The following CCDC136 variants were observed in gnomAD, a reference collection of about 807,000 sequenced individuals.
CCDC136 encodes the protein coiled-coil domain-containing protein 136.
CCDC136 carries 100 observed loss-of-function variants against 141.2 expected under a neutral mutation model. That is an observed-to-expected ratio of 0.71 (90% CI 0.60 to 0.84). The LOEUF (loss-of-function observed/expected upper bound fraction) is 0.84. Ranked by LOEUF, CCDC136 falls within the 40% of genes least tolerant of loss-of-function variation. The pLI is 0.00. For synonymous variants in CCDC136, 474 were observed against 531.9 expected (o/e 0.89, Z 1.50); for missense variants, 1,206 against 1,379.4 (o/e 0.87, Z 1.99).
Position 128,821,773 on chromosome 7 carries a change from TCA to T in CCDC136, c.*6-23_*6-22del, listed in dbSNP as rs1458218634. On this transcript the variant is annotated intron_variant, in intron 17 of 17. Transcript: ENST00000297788. The surrounding 1 kb of genome is among the most constrained non-coding windows in gnomAD (Gnocchi z 5.1). ...GGGCAGGGTTCAGGAGGCTGGGCAC[TCA>T]CAGTTTCTCTTTGGTCCCCACAGAA... 3 of 1,290,172 alleles carry T rather than the reference TCA, an allele frequency of 2.3e-6. No homozygotes were observed. Among genetic ancestry groups the T allele is most frequent in the Non-Finnish European group, 3.0e-6 (3 of 988,880 alleles). 79.9% of individuals were successfully genotyped at this position (1,290,172 alleles called of 1,614,324 possible). A position where few individuals can be genotyped will look rare whatever the true frequency, so the allele number is the denominator to read the frequency against.
chr7:128,821,211 T>C lies in CCDC136; in HGVS notation c.*6-588T>C, dbSNP rs1807393597. On this transcript the variant is annotated intron_variant, in intron 17 of 17. Transcript: ENST00000297788. The surrounding 1 kb of genome is among the most constrained non-coding windows in gnomAD (Gnocchi z 5.1). ...GCACCAGGAAGTCAGTCAACATACC[T>C]GGTGATTAGGAGTGTTCTAATGACC... Among the ~76,000 whole-genome samples the C allele has an allele frequency of 6.6e-6, 1 of 152,236 alleles. No homozygotes were observed. The highest frequency in any genetic ancestry group is 1.5e-5 in the Non-Finnish European group (1 of 68,042).
chr7:128,815,177 T>A (rs192719970), intron 15 of CCDC136, among the ~76,000 whole-genome samples: 170 of 152,298 alleles, frequency 1.1e-3, no homozygotes, highest in African/African-American at 3.9e-3. Context: ...GCTGGACAAC[T>A]CCTTCAGTTT....
Position 128,805,713 on chromosome 7 carries a change from A to G in CCDC136, c.949-48A>G. On this transcript the variant is annotated intron_variant, in intron 6 of 17. Coordinates refer to ENST00000297788, the MANE Select transcript of CCDC136 (RefSeq NM_022742.5). The surrounding 1 kb of genome is among the most constrained non-coding windows in gnomAD (Gnocchi z 4.6). ...TTCCCCAAGCTTGTTCTTGGAGCATATGTGGTATCTGTAGTAAACAAGCCT... is the reference window on the plus strand; with the variant it reads ...TTCCCCAAGCTTGTTCTTGGAGCATGTGTGGTATCTGTAGTAAACAAGCCT... 6.2e-7 allele frequency: 1 copy of G among 1,605,162 alleles called. No individual in the cohort carries two copies. Among genetic ancestry groups the G allele is most frequent in the Non-Finnish European group, 8.5e-7 (1 of 1,175,012 alleles).
At chr7:128,809,119 T>G in intron 10 of CCDC136, 1 of 350,840 alleles carries the variant, frequency 2.9e-6, no homozygotes, top group Non-Finnish European at 4.4e-6. Context: ...ATATGGTGTA[T>G]AAAGGAAAGG....
rs772505681 is a variant in CCDC136 at position 128,794,681 on chromosome 7, C to T, written c.272-13C>T. The T allele has an allele frequency of 5.2e-6, 8 of 1,548,768 alleles. No individual in the cohort carries two copies. In the African/African-American group the frequency reaches 5.5e-5, roughly 11 times the overall value. ...TGGATCCGAGCTTGACACTGGTGCC[C>T]CTCTCCCTGCAGGGCTCCTGGAGGA... is the stretch of plus-strand genomic sequence containing the variant. On this transcript the variant is annotated splice_polypyrimidine_tract_variant and intron_variant, in intron 2 of 17. Transcript: ENST00000297788. This position sits in a 1 kb window ranked among gnomAD's most constrained non-coding sequence, Gnocchi z 4.3.
chr7:128,809,990 G>A, intron 11 of CCDC136, 149 bp from the exon 12 acceptor site: 1 of 609,646 alleles, frequency 1.6e-6, no homozygotes, highest in South Asian at 2.1e-5. Flanking sequence ...CTCCATAGAA[G>A]GGCTCCCCCG....
At chr7:128,792,510 CTG>C in intron 1 of CCDC136, 83 bp downstream of exon 1, 1 of 1,094,542 alleles carries the variant, frequency 9.1e-7, no homozygotes, top group South Asian at 1.5e-5. Context: ...CCCCAGGCCT[CTG>C]AGCCAGGACA....
At chr7:128,814,595 A>G in intron 14 of CCDC136, 43 bp from the exon 15 acceptor site, 4 of 1,497,410 alleles carry the variant, frequency 2.7e-6, no homozygotes, top group Non-Finnish European at 3.6e-6. Context: ...AACTGGTTGC[A>G]TAACCAGCCA....
At chr7:128,798,958 G>T (rs1803542175) in intron 3 of CCDC136, among the ~76,000 whole-genome samples, 2 of 151,632 alleles carry the variant, frequency 1.3e-5, no homozygotes, top group Admixed American at 6.6e-5. Flanking sequence ...CCCCTGAGAT[G>T]CCCTCACCAC....
chr7:128,806,097 C>A, intron 7 of CCDC136, 140 bp from the exon 8 acceptor site: 1 of 943,184 alleles, frequency 1.1e-6, no homozygotes, highest in Non-Finnish European at 1.6e-6. Context: ...TACTGAGTGT[C>A]CATCTCACAG....
rs910208668 is a variant in CCDC136, at chr7:128,815,938, A to C, written c.3363+7A>C. The C allele has an allele frequency of 6.2e-7, 1 of 1,606,632 alleles. No individual in the cohort carries two copies. The highest frequency in any genetic ancestry group is 1.3e-5 in the African/African-American group (1 of 74,492). ...ACTTTCCGAGAGCAAAAAGGTAACC[A>C]GAGCCAAAGCCTAGATCAAGTGGGA... On this transcript the variant is annotated splice_region_variant and intron_variant, in intron 16 of 17. Coordinates refer to ENST00000297788, the MANE Select transcript of CCDC136 (RefSeq NM_022742.5).
In CCDC136 at chr7:128,814,901, C is replaced by T. The variant is rs184775299; in HGVS notation, c.3027C>T (p.Ser1009=). The T allele has an allele frequency of 7.7e-4, 1,226 of 1,594,982 alleles. 1 individual carries two copies. The highest frequency in any genetic ancestry group is 3.7e-3 in the Admixed American group (215 of 57,792). Residue 1009 remains serine, a synonymous_variant, in exon 15 of 18, where the codon AGC becomes AGT. Transcript: ENST00000297788. ...VTKPCSDTSE[S]DLETRKSLEV... The stretch of plus-strand genomic sequence containing the variant: ...AGCCATGCTCGGATACTTCTGAGAG[C>T]GACCTTGAGACCAGAAAGGTGAGTA...
At position 128,807,367 on chromosome 7, in the gene CCDC136, A is replaced by C; in HGVS notation, c.1427A>C (p.Glu476Ala). ...CCTGCCTCCCCTGCCCAGGACACAG[A>C]GACGCACGCTCAGCTTCAGGAGATG... is the stretch of plus-strand genomic sequence containing the variant. Reference protein sequence around the residue: ...SFKESNEKDTETHAQLQEMKQ... With the variant: ...SFKESNEKDTATHAQLQEMKQ... The change falls in exon 10 of 18, where the codon GAG becomes GCG. Residue 476 changes from glutamate to alanine, a missense_variant. Coordinates refer to ENST00000297788, the MANE Select transcript of CCDC136 (RefSeq NM_022742.5). The C allele has an allele frequency of 6.5e-7, 1 of 1,530,990 alleles. No homozygotes were observed. The highest frequency in any genetic ancestry group is 2.0e-5 in the Admixed American group (1 of 49,474). The allele number at this position is 1,530,990 out of a possible 1,614,324, so 94.8% of individuals were successfully genotyped here. A position where few individuals can be genotyped will look rare whatever the true frequency, so the allele number is the denominator to read the frequency against.
Position 128,807,403 on chromosome 7 carries a change from AC to A in CCDC136, c.1465del (p.Gln489ArgfsTer28). 1 of 1,581,762 alleles carries A rather than the reference AC, an allele frequency of 6.3e-7. No individual in the cohort carries two copies. The highest frequency in any genetic ancestry group is 8.6e-7 in the Non-Finnish European group (1 of 1,164,592). ...CAGCTTCAGGAGATGAAGCAGCTGT[AC>A]CAGGCCAGCAAGGACGAGCTGGAGC... Reference protein sequence around the residue: ...HAQLQEMKQLYQASKDELERQ... With the variant: ...HAQLQEMKQLXQASKDELERQ... On this transcript the variant is annotated frameshift_variant, in exon 10 of 18. Transcript: ENST00000297788. LOFTEE classifies it high-confidence loss of function.
chr7:128,804,619 G>T, intron 4 of CCDC136, 31 bp from the exon 5 acceptor site: 2 of 1,359,738 alleles, frequency 1.5e-6, no homozygotes, highest in South Asian at 1.2e-5. Flanking sequence ...CTTTCCTCCC[G>T]GTCTCATCTC....
chr7:128,821,720 C>A lies in CCDC136; in HGVS notation c.*6-79C>A, dbSNP rs1807459626. 8.7e-7 allele frequency: 1 copy of A among 1,153,002 alleles called. No individual in the cohort carries two copies. The highest frequency in any genetic ancestry group is 1.2e-6 in the Non-Finnish European group (1 of 867,160). 71.4% of individuals were successfully genotyped at this position (1,153,002 alleles called of 1,614,324 possible). A position where few individuals can be genotyped will look rare whatever the true frequency, so the allele number is the denominator to read the frequency against. On this transcript the variant is annotated intron_variant, in intron 17 of 17. Transcript: ENST00000297788. The surrounding 1 kb of genome is among the most constrained non-coding windows in gnomAD (Gnocchi z 5.1). ...CACAATGTTCCTGAGGTGTCTTGGG[C>A]ACCCATAGGCAGGTGACTTCTGGCT...
In CCDC136 at chr7:128,794,663, G is replaced by A. The variant is rs377317017; in HGVS notation, c.272-31G>A. The A allele has an allele frequency of 1.0e-3, 1,575 of 1,545,212 alleles. 2 individuals carry two copies. Among genetic ancestry groups the A allele is most frequent in the Non-Finnish European group, 1.3e-3 (1,446 of 1,143,374 alleles). ...AGAGGCTCTGCACTCCCCTGGATCC[G>A]AGCTTGACACTGGTGCCCCTCTCCC... On this transcript the variant is annotated intron_variant, in intron 2 of 17. Transcript: ENST00000297788. This position sits in a 1 kb window ranked among gnomAD's most constrained non-coding sequence, Gnocchi z 4.3.
rs758442036 is a variant in CCDC136, at chr7:128,817,148, G to A, written c.3364-610G>A. On this transcript the variant is annotated intron_variant, in intron 16 of 17. Coordinates refer to ENST00000297788, the MANE Select transcript of CCDC136 (RefSeq NM_022742.5). This position sits in a 1 kb window ranked among gnomAD's most constrained non-coding sequence, Gnocchi z 4.6. ...TATGGAGAGATCCCTTTGCCCCGTG[G>A]GTCCTGCGTCTTTTGCAGGCAGCTC... Among the ~76,000 whole-genome samples the A allele has an allele frequency of 2.6e-4, 40 of 152,228 alleles. No homozygotes were observed. The highest frequency in any genetic ancestry group is 5.6e-4 in the Non-Finnish European group (38 of 68,014).
At chr7:128,808,635 C>T in intron 10 of CCDC136, 1 of 985,356 alleles carries the variant, frequency 1.0e-6, no homozygotes, top group Non-Finnish European at 1.2e-6. Flanking sequence ...AGTTCCTGTC[C>T]CTGGGGAAAG....
Sources: gnomAD v4.1 joint callset for allele counts (sites outside exome capture counted in the v4.1 genomes callset) on GRCh38, gnomAD v4.1.1 for gene constraint, Gnocchi (gnomAD v3.1) non-coding constraint, MANE v1.5 for transcripts, NCBI Gene and HGNC (gene_info 2026-07-23, HGNC 2026-07-21) for gene names.